PFKFB3: variants seen among roughly 807,000 people sequenced by gnomAD.
PFKFB3 encodes the protein 6-phosphofructo-2-kinase/fructose-2,6-biphosphatase 3.
In PFKFB3, 33 loss-of-function variants were observed where a neutral mutation model predicts 68.0. The observed-to-expected ratio is 0.49, with a 90% confidence interval of 0.37 to 0.65. The LOEUF (loss-of-function observed/expected upper bound fraction) is 0.65. PFKFB3 is among the 30% of genes least tolerant of loss of function. PFKFB3 has a pLI of 0.00. For missense variants in PFKFB3, 586 were observed against 712.2 expected, an observed-to-expected ratio of 0.82 and a Z score of 2.02; for synonymous variants, 315 against 288.2, an observed-to-expected ratio of 1.09 and a Z score of -0.94.
chr10:6,146,294 A>G lies in PFKFB3; in HGVS notation c.16+1281A>G, dbSNP rs1841386927. On this transcript the variant is annotated intron_variant, in intron 1 of 14. Transcript: ENST00000379789. ...GGAGGCTGTACCGGACTTGTTTTTCAAACAGAGGGTGCCTAGGTATCAGCG... is the reference window on the plus strand; with the variant it reads ...GGAGGCTGTACCGGACTTGTTTTTCGAACAGAGGGTGCCTAGGTATCAGCG... 3 of 1,498,126 alleles carry G rather than the reference A, an allele frequency of 2.0e-6. No individual in the cohort carries two copies. In the South Asian group the frequency reaches 3.7e-5, roughly 19 times the overall value. 92.8% of individuals were successfully genotyped at this position (1,498,126 alleles called of 1,614,324 possible).
the PFKFB3 span, among the ~76,000 whole-genome samples, chr10:6,312,159 G>A: frequency 7.9e-5 from 12 of 152,290 alleles, no homozygotes; most frequent in African/African-American, 2.6e-4. Flanking sequence ...GCTGTCTGTC[G>A]TCATCTCTTG....
rs1345980493 is a variant in PFKFB3, at chr10:6,203,194, C to T, written c.-67C>T. 1.3e-6 allele frequency: 2 copies of T among 1,570,856 alleles called. No individual in the cohort carries two copies. Among genetic ancestry groups the T allele is most frequent in the Non-Finnish European group, 1.7e-6 (2 of 1,159,700 alleles). Reference sequence around the variant, plus strand: ...TCTCCTCCTTTGTTCCGGGGGTCGGCGGCCGCTCTCCTGCCAGCGTCGGGA... The same window carrying T: ...TCTCCTCCTTTGTTCCGGGGGTCGGTGGCCGCTCTCCTGCCAGCGTCGGGA... On this transcript the variant is annotated 5_prime_UTR_variant, in exon 1 of 15. Transcript: ENST00000379775.
the PFKFB3 span, among the ~76,000 whole-genome samples, chr10:6,273,438 G>A: frequency 3.5e-3 from 528 of 152,148 alleles, 2 homozygotes; most frequent in African/African-American, 0.012. Context: ...CAATCGCACG[G>A]CCCTTTACAG....
At chr10:6,213,314 C>T (rs1564626096) in intron 1 of PFKFB3, among the ~76,000 whole-genome samples, 1 of 152,088 alleles carries the variant, frequency 6.6e-6, no homozygotes. Flanking sequence ...GAGACCAGGA[C>T]TTCGAGACCA....
chr10:6,186,616 A>G (rs1397191993), intron 1 of PFKFB3, among the ~76,000 whole-genome samples: 4 of 152,342 alleles, frequency 2.6e-5, no homozygotes, highest in Non-Finnish European at 5.9e-5. Flanking sequence ...TATAAACATC[A>G]TGGTCTTGTC....
rs538580465 is a variant in PFKFB3, at chr10:6,160,718, C to CAAAAAAA, written c.16+15720_16+15726dup. On this transcript the variant is annotated intron_variant, in intron 1 of 14. Transcript: ENST00000379789. ...GGGCGACAAGAGCAAGACTCTGTCT[C>CAAAAAAA]AAAAAAAAAAAAAAAAAAAAAGAGG... Among the ~76,000 whole-genome samples the CAAAAAAA allele has an allele frequency of 1.1e-3, 88 of 78,516 alleles. 3 individuals carry two copies. Among genetic ancestry groups the CAAAAAAA allele is most frequent in the East Asian group, 2.5e-3 (7 of 2,764 alleles). The allele number at this position is 78,516 out of a possible 152,430, so 51.5% of individuals were successfully genotyped here.
intron 1 of PFKFB3, among the ~76,000 whole-genome samples, chr10:6,175,016 A>C (rs529014985): frequency 1.3e-5 from 2 of 151,932 alleles, no homozygotes; most frequent in South Asian, 2.1e-4. Flanking sequence ...GGGTTTCACC[A>C]TGTTGGCCAG....
intron 14 of PFKFB3, among the ~76,000 whole-genome samples, chr10:6,230,058 A>G (rs981492856): frequency 6.6e-6 from 1 of 152,150 alleles, no homozygotes; most frequent in Non-Finnish European, 1.5e-5. Context: ...CAGGAAAGAA[A>G]TCTTTCTACT....
chr10:6,225,048 T>TG, intron 13 of PFKFB3: 1 of 449,848 alleles, frequency 2.2e-6, no homozygotes, highest in Non-Finnish European at 4.5e-6. Flanking sequence ...CTGTCTACCT[T>TG]GGGGGGAGGC....
chr10:6,273,737 A>G, the PFKFB3 span, among the ~76,000 whole-genome samples: 2 of 152,196 alleles, frequency 1.3e-5, no homozygotes, highest in East Asian at 3.9e-4. Flanking sequence ...CTTATAAAAA[A>G]GGGAAATTTG....
the PFKFB3 span, among the ~76,000 whole-genome samples, chr10:6,324,485 G>C: frequency 6.6e-6 from 1 of 152,198 alleles, no homozygotes; most frequent in Admixed American, 6.5e-5. Context: ...GGAGTGCAGT[G>C]GCGTGATCTC....
At chr10:6,179,074 G>A (rs1392634474) in intron 1 of PFKFB3, among the ~76,000 whole-genome samples, 2 of 152,258 alleles carry the variant, frequency 1.3e-5, no homozygotes, top group African/African-American at 4.8e-5. Flanking sequence ...ACACGTGCCT[G>A]CCGTATTCAA....
At chr10:6,180,676 G>A (rs1178231430) in intron 1 of PFKFB3, among the ~76,000 whole-genome samples, 1 of 152,112 alleles carries the variant, frequency 6.6e-6, no homozygotes, top group Non-Finnish European at 1.5e-5. Context: ...TGTTGTCCAG[G>A]CTGGTCTCAA....
chr10:6,257,196 T>C (rs1326727903), downstream of PFKFB3, among the ~76,000 whole-genome samples: 1 of 152,174 alleles, frequency 6.6e-6, no homozygotes, highest in African/African-American at 2.4e-5. Flanking sequence ...AGACCCCAGA[T>C]TGTCATACAA....
chr10:6,243,237 T>C (rs1460028624), intron 14 of PFKFB3, among the ~76,000 whole-genome samples: 2 of 152,162 alleles, frequency 1.3e-5, no homozygotes, highest in Non-Finnish European at 2.9e-5. Context: ...TTAACAACCA[T>C]GTTGTAATCC....
chr10:6,147,971 A>T (rs1444261504), intron 1 of PFKFB3, among the ~76,000 whole-genome samples: 1 of 152,192 alleles, frequency 6.6e-6, no homozygotes, highest in Non-Finnish European at 1.5e-5. Flanking sequence ...CCTGTCCCTC[A>T]CTTATGGGAG....
intron 1 of PFKFB3, among the ~76,000 whole-genome samples, chr10:6,185,102 G>A (rs1237684434): frequency 1.3e-5 from 2 of 152,188 alleles, no homozygotes; most frequent in Non-Finnish European, 2.9e-5. Context: ...ATTTCCATGA[G>A]GACACTAGAG....
the PFKFB3 span, among the ~76,000 whole-genome samples, chr10:6,290,847 G>A: frequency 6.6e-6 from 1 of 152,068 alleles, no homozygotes; most frequent in East Asian, 1.9e-4. Flanking sequence ...TATTTATCAT[G>A]CTTGGTGTAT....
At chr10:6,201,091 G>A (rs1208068833), upstream of PFKFB3, among the ~76,000 whole-genome samples, 1 of 152,078 alleles carries the variant, frequency 6.6e-6, no homozygotes, top group Non-Finnish European at 1.5e-5. This position sits in a 1 kb window ranked among gnomAD's most constrained non-coding sequence, Gnocchi z 4.1. Flanking sequence ...CCCAGGAACC[G>A]CGGGCGCTCT....
Sources: allele counts gnomAD v4.1 joint callset (sites outside exome capture counted in the v4.1 genomes callset), GRCh38; gene constraint gnomAD v4.1.1; non-coding constraint Gnocchi (gnomAD v3.1); transcripts MANE v1.5; gene names NCBI Gene and HGNC (gene_info 2026-07-23, HGNC 2026-07-21).